The following ATP8B4 variants were observed in gnomAD, a reference collection of about 807,000 sequenced individuals.
The protein encoded by ATP8B4 is ATPase phospholipid transporting 8B4 (putative), also known as probable phospholipid-transporting ATPase IM.
Under a neutral mutation model 145.6 loss-of-function variants are expected in ATP8B4, and 133 were observed. That is an observed-to-expected ratio of 0.91 (90% CI 0.79 to 1.05). ATP8B4 has a LOEUF of 1.05. Ranked by LOEUF, ATP8B4 falls within the 50% of genes least tolerant of loss-of-function variation. The pLI, the probability that ATP8B4 is intolerant of heterozygous loss-of-function variation, is 0.00. For missense variants in ATP8B4, 1,458 were observed against 1,425.2 expected, an observed-to-expected ratio of 1.02 and a Z score of -0.37; for synonymous variants, 507 against 492.9, an observed-to-expected ratio of 1.03 and a Z score of -0.38.
chr15:49,897,574 A>T, intron 22 of ATP8B4, 59 bp from the exon 23 acceptor site: 2 of 1,356,348 alleles, frequency 1.5e-6, no homozygotes, highest in Non-Finnish European at 1.9e-6. Context: ...TCTTTTGGAA[A>T]CTTGTCATTC....
intron 1 of ATP8B4, among the ~76,000 whole-genome samples, chr15:50,129,946 C>CAAAAAAAAA (rs59921497): frequency 7.9e-5 from 7 of 88,100 alleles, no homozygotes; most frequent in Admixed American, 1.2e-4. Flanking sequence ...GACTCTGACT[C>CAAAAAAAAA]AAAAAAAAAA....
intron 1 of ATP8B4, among the ~76,000 whole-genome samples, chr15:50,175,455 T>C (rs1271105557): frequency 6.6e-6 from 1 of 151,942 alleles, no homozygotes; most frequent in Non-Finnish European, 1.5e-5. Flanking sequence ...CTAACAAATC[T>C]AATCAGTAAG....
intron 27 of ATP8B4, among the ~76,000 whole-genome samples, chr15:49,861,619 TCCTGA>T (rs1231558979): frequency 6.6e-6 from 1 of 152,148 alleles, no homozygotes. Flanking sequence ...TTTATCTGAG[TCCTGA>T]CCTAAGTTGA....
At chr15:49,919,175 T>C (rs1566988642) in intron 18 of ATP8B4, among the ~76,000 whole-genome samples, 1 of 152,182 alleles carries the variant, frequency 6.6e-6, no homozygotes, top group Non-Finnish European at 1.5e-5. Context: ...TTGGGACTTA[T>C]TATTTACTTG....
intron 18 of ATP8B4, among the ~76,000 whole-genome samples, chr15:49,919,562 C>T (rs958530316): frequency 6.6e-5 from 10 of 152,090 alleles, no homozygotes; most frequent in Non-Finnish European, 2.9e-5. Context: ...GGACTACAGG[C>T]GCCCGCCACC....
chr15:50,016,497 C>T (rs1423059264), intron 6 of ATP8B4, among the ~76,000 whole-genome samples: 2 of 152,284 alleles, frequency 1.3e-5, no homozygotes, highest in Non-Finnish European at 2.9e-5. Context: ...TTGGGATTAA[C>T]ACCTGTAAGA....
In ATP8B4 at chr15:49,934,114, A is replaced by C; in HGVS notation, c.1356T>G (p.His452Gln). 6.2e-7 allele frequency: 1 copy of C among 1,612,848 alleles called. No homozygotes were observed. The highest frequency in any genetic ancestry group is 1.1e-5 in the South Asian group (1 of 90,986). Residue 452 changes from histidine (H) to glutamine (Q), a missense_variant, in exon 15 of 28, where the codon CAT becomes CAG. Transcript: ENST00000284509. The part of the protein sequence containing the change: ...ADREFQFFDH[H>Q]LMESIKMGDP... ...CACCCATTTTAATGGATTCCATCAGATGGTGGTCAAAGAACTGAAATTCTC... is the reference window on the plus strand; with the variant it reads ...CACCCATTTTAATGGATTCCATCAGCTGGTGGTCAAAGAACTGAAATTCTC...
chr15:50,102,798 A>AAAC (rs2056449310), intron 2 of ATP8B4, among the ~76,000 whole-genome samples: 1 of 151,874 alleles, frequency 6.6e-6, no homozygotes, highest in African/African-American at 2.4e-5. Flanking sequence ...AAAAAAAAAA[A>AAAC]ACTACAGAAC....
rs765076711 is a variant in ATP8B4 at position 49,972,766 on chromosome 15, G to A, written c.1059C>T (p.His353=). 6.2e-7 allele frequency: 1 copy of A among 1,613,902 alleles called. No homozygotes were observed. The highest frequency in any genetic ancestry group is 1.1e-5 in the South Asian group (1 of 91,068). ...YVSVEVIRLG[H]SYFINWDRKM... ...TCCGGTCCCAGTTTATAAAATAACT[G>A]TGTCCTAGACGAATTACTTCCACAC... Residue 353 remains histidine (H), a synonymous_variant, in exon 13 of 28, where the codon CAC becomes CAT. Coordinates refer to ENST00000284509, the MANE Select transcript of ATP8B4 (RefSeq NM_024837.4).
At chr15:49,963,952 A>G (rs1388083289) in intron 13 of ATP8B4, among the ~76,000 whole-genome samples, 1 of 152,216 alleles carries the variant, frequency 6.6e-6, no homozygotes, top group Admixed American at 6.5e-5. Flanking sequence ...AGGCTCTTAA[A>G]TTATCACTGA....
In ATP8B4 at chr15:50,001,205, C is replaced by T. The variant is rs1299544582; in HGVS notation, c.506+948G>A. On this transcript the variant is annotated intron_variant, in intron 8 of 27. Transcript: ENST00000284509. Reference sequence around the variant, plus strand: ...TTATCTTATTATCTCCTTTCTTATGCTTCTTTGGGGTTTATTTTGCTGTTT... The same window carrying T: ...TTATCTTATTATCTCCTTTCTTATGTTTCTTTGGGGTTTATTTTGCTGTTT... Among the ~76,000 whole-genome samples, 4 of 151,822 alleles carry T rather than the reference C, an allele frequency of 2.6e-5. No individual in the cohort carries two copies. In the East Asian group the frequency reaches 7.7e-4, roughly 29 times the overall value.
intron 23 of ATP8B4, among the ~76,000 whole-genome samples, chr15:49,885,275 G>A (rs1484128658): frequency 6.6e-6 from 1 of 152,008 alleles, no homozygotes; most frequent in Admixed American, 6.6e-5. Flanking sequence ...TTAATCCCAA[G>A]GTATTCATAT....
At chr15:50,105,659 A>C in intron 2 of ATP8B4, among the ~76,000 whole-genome samples, 1 of 152,192 alleles carries the variant, frequency 6.6e-6, no homozygotes, top group East Asian at 1.9e-4. Context: ...GCAACACAGC[A>C]ACCTCAAGTA....
chr15:50,018,791 T>C, intron 6 of ATP8B4: 1 of 564,962 alleles, frequency 1.8e-6, no homozygotes, highest in Non-Finnish European at 2.8e-6. Context: ...CTCAGAATCA[T>C]AATTTAACAT....
At chr15:50,091,521 A>T (rs1197069688) in intron 2 of ATP8B4, among the ~76,000 whole-genome samples, 1 of 152,200 alleles carries the variant, frequency 6.6e-6, no homozygotes, top group African/African-American at 2.4e-5. Flanking sequence ...AATATGTTCT[A>T]AGCCCAATGA....
intron 9 of ATP8B4, among the ~76,000 whole-genome samples, chr15:49,994,469 T>C (rs1290487141): frequency 6.6e-6 from 1 of 152,172 alleles, no homozygotes; most frequent in African/African-American, 2.4e-5. Context: ...GTACCTACTA[T>C]GTGCTAGACG....
At chr15:49,978,737 A>AAT (rs1272848242) in intron 12 of ATP8B4, among the ~76,000 whole-genome samples, 2 of 71,828 alleles carry the variant, frequency 2.8e-5, no homozygotes, top group Non-Finnish European at 5.8e-5. Context: ...AGCTTTATCA[A>AAT]ATACACACAC....
upstream of ATP8B4, among the ~76,000 whole-genome samples, chr15:50,122,575 T>C (rs1475140274): frequency 1.3e-5 from 2 of 152,162 alleles, no homozygotes; most frequent in African/African-American, 4.8e-5. Context: ...CAAGGGAAGA[T>C]TGAGTTGATT....
In ATP8B4 at chr15:49,934,194, C is replaced by A; in HGVS notation, c.1288-12G>T. 2 of 1,577,826 alleles carry A rather than the reference C, an allele frequency of 1.3e-6. No individual in the cohort carries two copies. The highest frequency in any genetic ancestry group is 1.7e-6 in the Non-Finnish European group (2 of 1,165,428). ...ACAGGCTCTTTTTCCTGTAGGAGAA[C>A]AACAACAACAAAAATAACCAAAACC... On this transcript the variant is annotated splice_polypyrimidine_tract_variant and intron_variant, in intron 14 of 27. Coordinates refer to ENST00000284509, the MANE Select transcript of ATP8B4 (RefSeq NM_024837.4).
Sources: allele counts gnomAD v4.1 joint callset (sites outside exome capture counted in the v4.1 genomes callset), GRCh38; gene constraint gnomAD v4.1.1; transcripts MANE v1.5; gene names NCBI Gene and HGNC (gene_info 2026-07-23, HGNC 2026-07-21).